Variants in ARHGAP22 observed in about 807,000 individuals in gnomAD.
ARHGAP22 encodes the protein Rho GTPase activating protein 22.
In ARHGAP22, 48 loss-of-function variants were observed where a neutral mutation model predicts 59.1. The ratio of observed to expected loss-of-function variants is 0.81; its 90% CI spans 0.64 to 1.03. The LOEUF is 1.03. ARHGAP22 is among the 50% of genes least tolerant of loss of function. The pLI is 0.00. For missense variants in ARHGAP22, 1,015 were observed against 958.7 expected (o/e 1.06, Z -0.78); for synonymous variants, 445 against 416.4 (o/e 1.07, Z -0.84).
Position 48,459,882 on chromosome 10 carries a change from C to A in ARHGAP22, c.461G>T (p.Gly154Val). The A allele has an allele frequency of 6.2e-7, 1 of 1,612,152 alleles. No individual in the cohort carries two copies. Among genetic ancestry groups the A allele is most frequent in the Non-Finnish European group, 8.5e-7 (1 of 1,179,812 alleles). ...GTGGACTGTTTCCTCTAGGCGCTGCCCAAAGATCCCTGAGCACAGAGAGGA... is the reference window on the plus strand; with the variant it reads ...GTGGACTGTTTCCTCTAGGCGCTGCACAAAGATCCCTGAGCACAGAGAGGA... ...IWAPLGGGIF[G>V]QRLEETVHHE... Residue 154 changes from glycine to valine, a missense_variant, in exon 5 of 10, where the codon GGG (glycine) becomes GTG (valine). Gly to Val is a moderately radical substitution (Grantham distance 109). Transcript: ENST00000249601.
upstream of ARHGAP22, chr10:48,605,202 G>A (rs929117061): frequency 8.5e-6 from 9 of 1,052,734 alleles, no homozygotes; most frequent in Middle Eastern, 4.3e-4. Flanking sequence ...CCTGGCCCGG[G>A]AGAGGGTACT....
intron 3 of ARHGAP22, among the ~76,000 whole-genome samples, chr10:48,503,280 T>C (rs1042984809): frequency 6.6e-6 from 1 of 152,210 alleles, no homozygotes; most frequent in Non-Finnish European, 1.5e-5. Context: ...GGTGGCCTGG[T>C]GGCTGATGTA....
chr10:48,482,552 C>T (rs560975859), intron 3 of ARHGAP22, among the ~76,000 whole-genome samples: 1 of 152,276 alleles, frequency 6.6e-6, no homozygotes, highest in African/African-American at 2.4e-5. Context: ...CAAAAGCATT[C>T]GGCTTTTCAC....
intron 3 of ARHGAP22, among the ~76,000 whole-genome samples, chr10:48,523,100 G>T (rs1159256998): frequency 1.3e-5 from 2 of 152,214 alleles, no homozygotes; most frequent in Non-Finnish European, 2.9e-5. Flanking sequence ...ACACTTTTCG[G>T]AGGAAGGAAG....
intron 3 of ARHGAP22, among the ~76,000 whole-genome samples, chr10:48,495,138 G>A (rs1455397856): frequency 6.6e-6 from 1 of 152,210 alleles, no homozygotes. Context: ...AGGAATGTAT[G>A]ACTGTTCTTC....
At chr10:48,644,817 T>C (rs1050534922) in intron 1 of ARHGAP22, among the ~76,000 whole-genome samples, 4 of 152,038 alleles carry the variant, frequency 2.6e-5, no homozygotes, top group African/African-American at 9.7e-5. Flanking sequence ...TATCAGAATA[T>C]AAGGGCTCAA....
chr10:48,451,941 A>C (rs1589425734), intron 8 of ARHGAP22, among the ~76,000 whole-genome samples: 3 of 117,754 alleles, frequency 2.5e-5, no homozygotes, highest in Non-Finnish European at 3.5e-5. Flanking sequence ...AATGAACCCC[A>C]CCCACTGCCC....
In ARHGAP22 at chr10:48,450,996, T is replaced by C; in HGVS notation, c.1133A>G (p.Asp378Gly). Residue 378 changes from aspartate (D) to glycine (G), a missense_variant, in exon 9 of 10, where the codon GAC becomes GGC. Physicochemically the swap from Asp to Gly is moderately conservative, Grantham distance 94. Transcript: ENST00000249601. Reference sequence around the variant, plus strand: ...GGGGCCGCCGGGCTCTCCTTGGCTGTCCCTGGTGACCTCCTCGGAGCCCCA... The same window carrying C: ...GGGGCCGCCGGGCTCTCCTTGGCTGCCCCTGGTGACCTCCTCGGAGCCCCA... ...VGWGSEEVTR[D>G]SQGEPGGPGL... 2 of 1,559,282 alleles carry C rather than the reference T, an allele frequency of 1.3e-6. No individual in the cohort carries two copies. Among genetic ancestry groups the C allele is most frequent in the East Asian group, 2.4e-5 (1 of 41,494 alleles).
intron 1 of ARHGAP22, among the ~76,000 whole-genome samples, chr10:48,612,562 C>T (rs1389267326): frequency 1.3e-5 from 2 of 152,250 alleles, no homozygotes; most frequent in Non-Finnish European, 2.9e-5. Flanking sequence ...GTGTCCTCCC[C>T]AGGCTCTTCC....
intron 2 of ARHGAP22, among the ~76,000 whole-genome samples, chr10:48,577,965 C>T (rs192008224): frequency 7.2e-5 from 11 of 151,968 alleles, no homozygotes; most frequent in African/African-American, 2.4e-4. Context: ...TGTGCCAGCA[C>T]ACCCGGCTAA....
intron 1 of ARHGAP22, among the ~76,000 whole-genome samples, chr10:48,592,772 C>A (rs924857125): frequency 6.6e-6 from 1 of 152,218 alleles, no homozygotes; most frequent in Non-Finnish European, 1.5e-5. Flanking sequence ...CCAGGGTTCC[C>A]CCATCTCAGC....
upstream of ARHGAP22, among the ~76,000 whole-genome samples, chr10:48,609,909 G>A (rs933842770): frequency 3.3e-5 from 5 of 152,166 alleles, no homozygotes; most frequent in Admixed American, 3.3e-4. Flanking sequence ...TTTTTAAATT[G>A]GGAAACTGTG....
At chr10:48,575,982 G>A (rs1003101216) in intron 2 of ARHGAP22, among the ~76,000 whole-genome samples, 4 of 152,170 alleles carry the variant, frequency 2.6e-5, no homozygotes, top group Non-Finnish European at 5.9e-5. Context: ...GGCTCTGATG[G>A]CCAAGTATAA....
upstream of ARHGAP22, among the ~76,000 whole-genome samples, chr10:48,607,735 C>CT (rs554887543): frequency 2.0e-5 from 3 of 152,390 alleles, no homozygotes; most frequent in East Asian, 3.9e-4. Flanking sequence ...TCCTTCTCCA[C>CT]TGCCCTGTGC....
the ARHGAP22 span, chr10:48,437,685 T>C: frequency 1.3e-5 from 2 of 152,222 alleles, no homozygotes; most frequent in Non-Finnish European, 1.5e-5. Context: ...CTGAACAGTT[T>C]TCAGTGTCAT....
chr10:48,586,063 G>A (rs541597962), intron 1 of ARHGAP22, among the ~76,000 whole-genome samples: 1 of 152,074 alleles, frequency 6.6e-6, no homozygotes, highest in Admixed American at 6.5e-5. Flanking sequence ...GTTGGTCCCT[G>A]CACTTGTTCA....
chr10:48,560,454 C>G (rs1346413076), intron 2 of ARHGAP22, among the ~76,000 whole-genome samples: 1 of 152,146 alleles, frequency 6.6e-6, no homozygotes, highest in Non-Finnish European at 1.5e-5. Context: ...GGTATGGATA[C>G]AGTTTTACTT....
chr10:48,614,579 T>TAGC (rs777286984), intron 1 of ARHGAP22, among the ~76,000 whole-genome samples: 2 of 152,170 alleles, frequency 1.3e-5, no homozygotes, highest in East Asian at 1.9e-4. Flanking sequence ...CTGTCTCCTG[T>TAGC]AGCAGCAGCA....
intron 5 of ARHGAP22, among the ~76,000 whole-genome samples, chr10:48,456,314 T>C (rs2133713804): frequency 6.6e-6 from 1 of 152,216 alleles, no homozygotes; most frequent in Middle Eastern, 3.4e-3. Flanking sequence ...GATTCTGGGG[T>C]TCCATGTATC....
Sources: allele counts gnomAD v4.1 joint callset (sites outside exome capture counted in the v4.1 genomes callset), GRCh38; gene constraint gnomAD v4.1.1; transcripts MANE v1.5; gene names NCBI Gene and HGNC (gene_info 2026-07-23, HGNC 2026-07-21).